The following TGS1 variants were observed in gnomAD, a reference collection of about 807,000 sequenced individuals.
The protein encoded by TGS1 is trimethylguanosine synthase.
Under a neutral mutation model 92.2 loss-of-function variants are expected in TGS1, and 69 were observed. That is an observed-to-expected ratio of 0.75 (90% CI 0.62 to 0.91). The LOEUF (loss-of-function observed/expected upper bound fraction) is 0.91, where lower values mean the gene tolerates loss of function less well. TGS1 is among the 40% of genes least tolerant of loss of function. TGS1 has a pLI of 0.00. For missense variants in TGS1, 1,062 were observed against 1,001.2 expected (o/e 1.06, Z -0.82); for synonymous variants, 345 against 338.1 (o/e 1.02, Z -0.22).
chr8:55,806,605 A>T (rs1812380241), intron 10 of TGS1, among the ~76,000 whole-genome samples: 1 of 152,158 alleles, frequency 6.6e-6, no homozygotes, highest in South Asian at 2.1e-4. Context: ...CCAAAATTAT[A>T]CAGATTTTTG....
chr8:55,785,984 C>T (rs911728148), intron 3 of TGS1, 93 bp downstream of exon 3: 8 of 987,258 alleles, frequency 8.1e-6, no homozygotes, highest in African/African-American at 5.0e-5. Flanking sequence ...TATGCATTCA[C>T]GATCAGCGCT....
intron 5 of TGS1, among the ~76,000 whole-genome samples, chr8:55,791,110 T>C (rs890244876): frequency 6.6e-6 from 1 of 152,158 alleles, no homozygotes; most frequent in African/African-American, 2.4e-5. Flanking sequence ...CAGGAATGAG[T>C]ACCTTGCTCA....
intron 12 of TGS1, among the ~76,000 whole-genome samples, chr8:55,814,623 C>G (rs2130239852): frequency 6.8e-6 from 1 of 146,246 alleles, no homozygotes; most frequent in South Asian, 2.1e-4. Flanking sequence ...CAGGAGTTGA[C>G]CAGCCTGGCC....
Position 55,786,763 on chromosome 8 carries a change from A to C in TGS1, c.865A>C (p.Lys289Gln), listed in dbSNP as rs866092575. Reference sequence around the variant, plus strand: ...TGACAAGAACGATGAAAAATGCATGAAAGTTGACTTAGTATCTTTTCCATC... The same window carrying C: ...TGACAAGAACGATGAAAAATGCATGCAAGTTGACTTAGTATCTTTTCCATC... ...ADDKNDEKCM[K>Q]VDLVSFPSSP... Residue 289 changes from lysine to glutamine, a missense_variant, in exon 4 of 13, where the codon AAA becomes CAA. Transcript: ENST00000260129. The C allele has an allele frequency of 5.0e-6, 8 of 1,614,186 alleles. No homozygotes were observed. Among genetic ancestry groups the C allele is most frequent in the Non-Finnish European group, 6.8e-6 (8 of 1,180,040 alleles).
At chr8:55,806,473 CTTTAT>C (rs1812377521) in intron 10 of TGS1, among the ~76,000 whole-genome samples, 1 of 146,854 alleles carries the variant, frequency 6.8e-6, no homozygotes, top group South Asian at 2.2e-4. Context: ...TTCTCTGTTT[CTTTAT>C]TTTAGTAATA....
At chr8:55,786,202 A>T (rs1811703065) in intron 3 of TGS1, 36 bp from the exon 4 acceptor site, 1 of 1,081,942 alleles carries the variant, frequency 9.2e-7, no homozygotes, top group African/African-American at 1.6e-5. Flanking sequence ...TAGTTCATAA[A>T]GTGCATTTTA....
chr8:55,774,225 A>G (rs1331005962), intron 1 of TGS1, among the ~76,000 whole-genome samples: 1 of 152,208 alleles, frequency 6.6e-6, no homozygotes, highest in Non-Finnish European at 1.5e-5. Flanking sequence ...TCTTTGAATC[A>G]GGTAAAAATT....
intron 4 of TGS1, 46 bp from the exon 5 acceptor site, chr8:55,790,136 G>T: frequency 6.9e-7 from 1 of 1,458,232 alleles, no homozygotes; most frequent in Non-Finnish European, 9.6e-7. Flanking sequence ...CAGAAAAGTT[G>T]TCAAACCAAG....
chr8:55,803,549 G>T (rs1413031144), intron 9 of TGS1, among the ~76,000 whole-genome samples: 1 of 152,080 alleles, frequency 6.6e-6, no homozygotes, highest in Non-Finnish European at 1.5e-5. Context: ...GAAAACACTT[G>T]CAATTCTATA....
At chr8:55,782,381 T>C (rs1303066175) in intron 1 of TGS1, among the ~76,000 whole-genome samples, 1 of 152,124 alleles carries the variant, frequency 6.6e-6, no homozygotes, top group Admixed American at 6.5e-5. Flanking sequence ...GGTTTCATCA[T>C]GTTGGCCAGG....
At position 55,785,816 on chromosome 8, in the gene TGS1, T is replaced by C; in HGVS notation, c.264T>C (p.Asp88=). Residue 88 remains aspartate, a synonymous_variant, in exon 3 of 13, where the codon GAT becomes GAC. Transcript: ENST00000260129. Reference sequence around the variant, plus strand: ...TAGGCCTGGATGAAAGTGAACTTGATTCTGAGGCTGAACTCATGAGAAGTA... The same window carrying C: ...TAGGCCTGGATGAAAGTGAACTTGACTCTGAGGCTGAACTCATGAGAAGTA... ...KGIGLDESEL[D]SEAELMRSMG... 6.2e-7 allele frequency: 1 copy of C among 1,614,054 alleles called. No homozygotes were observed. The highest frequency in any genetic ancestry group is 8.5e-7 in the Non-Finnish European group (1 of 1,179,938).
Position 55,825,577 on chromosome 8 carries a change from A to G in TGS1, c.*874A>G, listed in dbSNP as rs1168772333. The stretch of plus-strand genomic sequence containing the variant: ...CCTGGGACTTCTATATTTTAATAAT[A>G]TGAGCGTGTTAAACATTAAACAGAA... On this transcript the variant is annotated 3_prime_UTR_variant, in exon 13 of 13. Transcript: ENST00000260129. 3.9e-5 allele frequency: 6 copies of G among 152,230 alleles called. No homozygotes were observed. Among genetic ancestry groups the G allele is most frequent in the South Asian group, 4.1e-4 (2 of 4,834 alleles). 9.4% of individuals were successfully genotyped at this position (152,230 alleles called of 1,614,324 possible).
chr8:55,779,836 T>C (rs1431338940), intron 1 of TGS1, among the ~76,000 whole-genome samples: 1 of 152,138 alleles, frequency 6.6e-6, no homozygotes, highest in African/African-American at 2.4e-5. Flanking sequence ...ACATGTATGC[T>C]TTTCATTACA....
Position 55,796,042 on chromosome 8 carries a change from A to T in TGS1, c.1432A>T (p.Lys478Ter). Residue 478 changes from lysine to a stop codon, truncating the protein, a stop_gained, in exon 7 of 13, where the codon AAG becomes TAG. Coordinates refer to ENST00000260129, the MANE Select transcript of TGS1 (RefSeq NM_024831.8). LOFTEE classifies it high-confidence loss of function. ...GTATTTAGAGAAGAATGTGAAGCTT[A>T]AGTCTAAGTACCTAGACATGCGCAG... ...VRYLEKNVKL[K>*]SKYLDMRRQI... The T allele has an allele frequency of 6.2e-7, 1 of 1,613,480 alleles. No homozygotes were observed.
At chr8:55,782,359 C>T (rs1320790965) in intron 1 of TGS1, among the ~76,000 whole-genome samples, 4 of 151,786 alleles carry the variant, frequency 2.6e-5, no homozygotes, top group African/African-American at 9.7e-5. Context: ...TTTGTGTTTT[C>T]GATAGAGATG....
At chr8:55,819,407 C>G (rs560636608) in intron 12 of TGS1, among the ~76,000 whole-genome samples, 10 of 150,676 alleles carry the variant, frequency 6.6e-5, no homozygotes, top group African/African-American at 2.2e-4. Flanking sequence ...AGCAATTCTC[C>G]TACCTCAGCC....
intron 12 of TGS1, among the ~76,000 whole-genome samples, chr8:55,817,291 G>A (rs746882326): frequency 6.6e-6 from 1 of 152,102 alleles, no homozygotes; most frequent in Non-Finnish European, 1.5e-5. Flanking sequence ...TTGGTAGGTA[G>A]GTAAGTAGAT....
intron 1 of TGS1, among the ~76,000 whole-genome samples, chr8:55,776,612 C>T (rs1554557754): frequency 6.6e-6 from 1 of 152,150 alleles, no homozygotes; most frequent in Non-Finnish European, 1.5e-5. Context: ...CCGATTAGGT[C>T]AGGGGTGGAT....
intron 12 of TGS1, among the ~76,000 whole-genome samples, chr8:55,817,903 T>C (rs1251186417): frequency 6.6e-6 from 1 of 152,194 alleles, no homozygotes; most frequent in East Asian, 1.9e-4. Flanking sequence ...ATCTACAGCA[T>C]AGGAGCTGGC....
Sources: gnomAD v4.1 joint callset for allele counts (sites outside exome capture counted in the v4.1 genomes callset) on GRCh38, gnomAD v4.1.1 for gene constraint, MANE v1.5 for transcripts, NCBI Gene and HGNC (gene_info 2026-07-23, HGNC 2026-07-21) for gene names.